CRIM1: variants seen among roughly 807,000 people sequenced by gnomAD.
CRIM1 encodes the protein cysteine-rich motor neuron 1 protein.
Under a neutral mutation model 116.4 loss-of-function variants are expected in CRIM1, and 32 were observed. That is an observed-to-expected ratio of 0.27 (90% CI 0.21 to 0.37). CRIM1 has a LOEUF of 0.37. Ranked by LOEUF, CRIM1 falls within the 10% of genes least tolerant of loss-of-function variation. The pLI is 1.00. For missense variants in CRIM1, 1,331 were observed against 1,354.8 expected, an observed-to-expected ratio of 0.98 and a Z score of 0.28; for synonymous variants, 590 against 509.2, an observed-to-expected ratio of 1.16 and a Z score of -2.13.
At chr2:36,482,544 A>T (rs150583857) in intron 7 of CRIM1, among the ~76,000 whole-genome samples, 1 of 152,260 alleles carries the variant, frequency 6.6e-6, no homozygotes, top group Non-Finnish European at 1.5e-5. Context: ...ATAATTTCAA[A>T]TGATTTCAGA....
chr2:36,481,404 C>G (rs1358716759), intron 7 of CRIM1, among the ~76,000 whole-genome samples: 1 of 152,148 alleles, frequency 6.6e-6, no homozygotes, highest in Non-Finnish European at 1.5e-5. Context: ...GAGTTGTAAT[C>G]TAATCATCTA....
At chr2:36,504,908 C>T (rs1681281670) in intron 8 of CRIM1, among the ~76,000 whole-genome samples, 2 of 152,172 alleles carry the variant, frequency 1.3e-5, no homozygotes, top group Admixed American at 6.5e-5. Flanking sequence ...AGTTCTCTTC[C>T]AATTTTAACA....
chr2:36,486,299 T>C (rs1679812248), intron 7 of CRIM1, among the ~76,000 whole-genome samples: 4 of 152,198 alleles, frequency 2.6e-5, no homozygotes, highest in Admixed American at 6.5e-5. Flanking sequence ...AGAAGTAGTT[T>C]AATAGAGAAG....
At chr2:36,372,874 G>A (rs775848963) in intron 1 of CRIM1, among the ~76,000 whole-genome samples, 2 of 152,182 alleles carry the variant, frequency 1.3e-5, no homozygotes, top group East Asian at 3.8e-4. Context: ...TATAGCTGTA[G>A]AGCTCTGGTT....
intron 2 of CRIM1, among the ~76,000 whole-genome samples, chr2:36,398,534 C>G (rs1332321409): frequency 6.6e-6 from 1 of 152,188 alleles, no homozygotes; most frequent in Non-Finnish European, 1.5e-5. Flanking sequence ...TCTAAAAAGG[C>G]TGTTTGTGAG....
intron 4 of CRIM1, among the ~76,000 whole-genome samples, chr2:36,455,319 G>A (rs976124982): frequency 6.6e-6 from 1 of 152,178 alleles, no homozygotes; most frequent in African/African-American, 2.4e-5. Context: ...ACAGCTAACA[G>A]GTGTTGTGTG....
intron 14 of CRIM1, among the ~76,000 whole-genome samples, chr2:36,543,883 G>A (rs950557788): frequency 6.6e-6 from 1 of 152,156 alleles, no homozygotes; most frequent in Non-Finnish European, 1.5e-5. Flanking sequence ...TCTACCTACA[G>A]TCCATTCCCA....
Position 36,356,704 on chromosome 2 carries a change from C to T in CRIM1, c.331+81C>T, listed in dbSNP as rs565244102. 4.0e-4 allele frequency: 550 copies of T among 1,391,634 alleles called. No homozygotes were observed. The highest frequency in any genetic ancestry group is 5.1e-4 in the Admixed American group (24 of 46,628). The allele number at this position is 1,391,634 out of a possible 1,614,324, so 86.2% of individuals were successfully genotyped here. A position where few individuals can be genotyped will look rare whatever the true frequency, so the allele number is the denominator to read the frequency against. On this transcript the variant is annotated intron_variant, in intron 1 of 16. Coordinates refer to ENST00000280527, the MANE Select transcript of CRIM1 (RefSeq NM_016441.3). The surrounding 1 kb of genome is among the most constrained non-coding windows in gnomAD (Gnocchi z 4.3). Reference sequence around the variant, plus strand: ...CTGGTTGTGCCGAACAAAGTTTGGGCGAGACTTTCTGGAGGAAAGAGGGCT... The same window carrying T: ...CTGGTTGTGCCGAACAAAGTTTGGGTGAGACTTTCTGGAGGAAAGAGGGCT...
intron 10 of CRIM1, 44 bp from the exon 11 acceptor site, chr2:36,513,512 G>A: frequency 6.6e-7 from 1 of 1,526,196 alleles, no homozygotes; most frequent in Non-Finnish European, 9.1e-7. Flanking sequence ...TGTTTCTCCT[G>A]TGCAGTAGCC....
intron 2 of CRIM1, among the ~76,000 whole-genome samples, chr2:36,429,865 G>A (rs1197028346): frequency 2.0e-5 from 3 of 152,152 alleles, no homozygotes; most frequent in African/African-American, 4.8e-5. Flanking sequence ...AAGCCTGACA[G>A]TGGTAGTTAC....
intron 8 of CRIM1, among the ~76,000 whole-genome samples, chr2:36,507,664 T>A (rs981411125): frequency 6.6e-6 from 1 of 152,248 alleles, no homozygotes; most frequent in African/African-American, 2.4e-5. Flanking sequence ...GTCCTGTATT[T>A]TTATTTAAAT....
intron 8 of CRIM1, among the ~76,000 whole-genome samples, chr2:36,499,607 A>G (rs1440212525): frequency 6.6e-6 from 1 of 152,026 alleles, no homozygotes; most frequent in Non-Finnish European, 1.5e-5. Context: ...TTTGGAGTGC[A>G]TCCTTCCAGC....
intron 2 of CRIM1, among the ~76,000 whole-genome samples, chr2:36,414,348 A>G (rs943183436): frequency 2.0e-5 from 3 of 152,224 alleles, no homozygotes; most frequent in Non-Finnish European, 4.4e-5. Context: ...GTAGAGTTAC[A>G]TTGGATAGGG....
intron 12 of CRIM1, among the ~76,000 whole-genome samples, chr2:36,521,159 G>A (rs922864129): frequency 1.3e-5 from 2 of 152,076 alleles, no homozygotes; most frequent in Admixed American, 6.5e-5. Context: ...AGTGGAAACC[G>A]ATGCCCAAAG....
chr2:36,440,686 T>A (rs148322835), intron 2 of CRIM1, among the ~76,000 whole-genome samples: 13 of 152,292 alleles, frequency 8.5e-5, no homozygotes, highest in African/African-American at 2.6e-4. Flanking sequence ...TTTCAGGAAA[T>A]TACACGGGAA....
At chr2:36,386,771 G>T in intron 1 of CRIM1, among the ~76,000 whole-genome samples, 1 of 152,350 alleles carries the variant, frequency 6.6e-6, no homozygotes, top group Admixed American at 6.5e-5. Flanking sequence ...TAATAGATAT[G>T]CAGTAGAAGT....
intron 2 of CRIM1, among the ~76,000 whole-genome samples, chr2:36,398,969 G>T (rs975743388): frequency 3.9e-5 from 6 of 152,200 alleles, no homozygotes; most frequent in African/African-American, 1.4e-4. Flanking sequence ...AGGTATCATG[G>T]AGGGTAGACT....
chr2:36,402,771 G>C (rs963700320), intron 2 of CRIM1, among the ~76,000 whole-genome samples: 1 of 151,102 alleles, frequency 6.6e-6, no homozygotes, highest in Non-Finnish European at 1.5e-5. Context: ...TTGTTAATAT[G>C]GATGTTGAGG....
intron 7 of CRIM1, among the ~76,000 whole-genome samples, chr2:36,495,175 A>T (rs149568398): frequency 2.6e-5 from 4 of 152,298 alleles, no homozygotes; most frequent in African/African-American, 9.6e-5. Flanking sequence ...CACGCCAAAG[A>T]TAGGGGATCA....
Sources: allele counts gnomAD v4.1 joint callset (sites outside exome capture counted in the v4.1 genomes callset), GRCh38; gene constraint gnomAD v4.1.1; non-coding constraint Gnocchi (gnomAD v3.1); transcripts MANE v1.5; gene names NCBI Gene and HGNC (gene_info 2026-07-23, HGNC 2026-07-21).